The following THAP12 variants were observed in gnomAD, a reference collection of about 807,000 sequenced individuals.
THAP12 encodes the protein THAP domain containing 12.
Under a neutral mutation model 63.0 loss-of-function variants are expected in THAP12, and 20 were observed. The observed-to-expected ratio is 0.32, with a 90% CI of 0.22 to 0.46. THAP12 has a LOEUF of 0.46. Among genes scored for constraint, THAP12 ranks in the 20% least tolerant of loss-of-function variants. The probability of loss-of-function intolerance (pLI) is 1.00; values close to 1 mark genes in which losing one functional copy is unlikely to be tolerated. For missense variants in THAP12, 568 were observed against 908.2 expected (o/e 0.63, Z 4.81); for synonymous variants, 264 against 328.4 (o/e 0.80, Z 2.12).
Position 76,365,939 on chromosome 11 carries a change from T to G in THAP12, c.123A>C (p.Ala41=). Residue 41 remains alanine, a synonymous_variant, in exon 2 of 5, where the codon GCA becomes GCC. Transcript: ENST00000260045. ...CQKWVENCRR[A]DLEDKTPDQL... ...GATCAGGTGTTTTATCTTCTAAGTC[T>G]GCTCTCCTACAGTTCTCCACCCACT... The G allele has an allele frequency of 6.2e-7, 1 of 1,613,692 alleles. No individual in the cohort carries two copies. The highest frequency in any genetic ancestry group is 8.5e-7 in the Non-Finnish European group (1 of 1,179,754).
intron 1 of THAP12, among the ~76,000 whole-genome samples, chr11:76,378,005 A>G (rs1946723482): frequency 6.6e-6 from 1 of 152,206 alleles, no homozygotes; most frequent in Admixed American, 6.5e-5. Context: ...ATTTGCAAGT[A>G]CCTTCTTCCA....
rs78630747 is a variant in THAP12 at position 76,379,041 on chromosome 11, G to A, written c.89+1707C>T. On this transcript the variant is annotated intron_variant, in intron 1 of 4. Coordinates refer to ENST00000260045, the MANE Select transcript of THAP12 (RefSeq NM_004705.4). ...TTAAAAATCTTGAAGTCGGCTGGGCGCGGTGGCTCAGAGCCTGTTCTAGCA... is the reference window on the plus strand; with the variant it reads ...TTAAAAATCTTGAAGTCGGCTGGGCACGGTGGCTCAGAGCCTGTTCTAGCA... 5.5e-4 allele frequency among the ~76,000 whole-genome samples: 83 copies of A among 152,256 alleles called. No individual in the cohort carries two copies. The East Asian group carries it at 0.013, about 24-fold the overall frequency.
At chr11:76,355,156 A>G (rs1220719082) in intron 4 of THAP12, among the ~76,000 whole-genome samples, 2 of 152,254 alleles carry the variant, frequency 1.3e-5, no homozygotes, top group Non-Finnish European at 2.9e-5. Flanking sequence ...CTTTGGTGAC[A>G]TAATTCGGAC....
chr11:76,351,293 C>T lies in THAP12; in HGVS notation c.1857G>A (p.Thr619=), dbSNP rs36126247. Reference sequence around the variant, plus strand: ...ACATGTCAGCATGGTGTTCCTCCGACGTATTGAATTTGAGTTGTCCCATGA... The same window carrying T: ...ACATGTCAGCATGGTGTTCCTCCGATGTATTGAATTTGAGTTGTCCCATGA... ...PSVMGQLKFN[T]SEEHHADMYR... is the part of the protein sequence containing the mutation. The change falls in exon 5 of 5, where the codon ACG becomes ACA. Residue 619 remains threonine, a synonymous_variant. Coordinates refer to ENST00000260045, the MANE Select transcript of THAP12 (RefSeq NM_004705.4). 16 of 1,582,302 alleles carry T rather than the reference C, an allele frequency of 1.0e-5. No individual in the cohort carries two copies. The South Asian group carries it at 1.4e-4, about 14-fold the overall frequency.
At position 76,380,808 on chromosome 11, in the gene THAP12, C is replaced by A; in HGVS notation, c.29G>T (p.Cys10Phe). 1 of 1,455,000 alleles carries A rather than the reference C, an allele frequency of 6.9e-7. No individual in the cohort carries two copies. The highest frequency in any genetic ancestry group is 9.1e-7 in the Non-Finnish European group (1 of 1,096,790). The allele number at this position is 1,455,000 out of a possible 1,614,324, so 90.1% of individuals were successfully genotyped here. Reference protein sequence around the residue: MPNFCAAPNCTRKSTQSDLA... With the variant: MPNFCAAPNFTRKSTQSDLA... ...GTCGGACTGCGTGCTCTTCCGCGTG[C>A]AGTTGGGGGCAGCGCAGAAGTTCGG... Residue 10 changes from cysteine to phenylalanine, a missense_variant, in exon 1 of 5, where the codon TGC (cysteine) becomes TTC (phenylalanine). Cys to Phe is a radical substitution (Grantham distance 205). Transcript: ENST00000260045.
chr11:76,362,997 G>A (rs1946607579), intron 2 of THAP12, among the ~76,000 whole-genome samples: 1 of 152,118 alleles, frequency 6.6e-6, no homozygotes, highest in Admixed American at 6.5e-5. Flanking sequence ...ACAAAAATTA[G>A]CGAGGTATGG....
At chr11:76,353,276 A>G (rs1946540011) in intron 4 of THAP12, among the ~76,000 whole-genome samples, 1 of 152,230 alleles carries the variant, frequency 6.6e-6, no homozygotes. Flanking sequence ...AGAACTAATT[A>G]CTAAGGTACT....
chr11:76,360,869 T>G, intron 3 of THAP12, 87 bp downstream of exon 3: 3 of 889,792 alleles, frequency 3.4e-6, no homozygotes, highest in Non-Finnish European at 3.6e-6. Context: ...AGAGAGTAAT[T>G]TGGATTAATT....
chr11:76,366,682 GAA>G (rs755862384), intron 1 of THAP12, among the ~76,000 whole-genome samples: 8 of 137,738 alleles, frequency 5.8e-5, no homozygotes, highest in Admixed American at 7.3e-5. Context: ...CTCCGTCTCG[GAA>G]AAAAAAAAAA....
Position 76,355,655 on chromosome 11 carries a change from C to A in THAP12, c.319-1G>T. 6.3e-7 allele frequency: 1 copy of A among 1,589,238 alleles called. No individual in the cohort carries two copies. The highest frequency in any genetic ancestry group is 1.8e-5 in the Admixed American group (1 of 56,106). ...TCAGTGTCCTGATTTCATCTTCACT[C>A]TAAATGTCAAGAAAAAAAAAGAAAA... On this transcript the variant is annotated splice_acceptor_variant, in intron 3 of 4. Coordinates refer to ENST00000260045, the MANE Select transcript of THAP12 (RefSeq NM_004705.4). LOFTEE classifies it high-confidence loss of function.
At chr11:76,365,444 G>C (rs990282039) in intron 2 of THAP12, among the ~76,000 whole-genome samples, 1 of 151,982 alleles carries the variant, frequency 6.6e-6, no homozygotes, top group Non-Finnish European at 1.5e-5. Flanking sequence ...GAGTGTAGTG[G>C]CATGAACACA....
At chr11:76,354,186 T>C (rs1009518124) in intron 4 of THAP12, among the ~76,000 whole-genome samples, 8 of 152,136 alleles carry the variant, frequency 5.3e-5, no homozygotes, top group African/African-American at 1.9e-4. Context: ...CAAAGGGAAA[T>C]CTAGTCTGAC....
In THAP12 at chr11:76,360,980, T is replaced by C; in HGVS notation, c.294A>G (p.Arg98=). Residue 98 remains arginine (R), a synonymous_variant, in exon 3 of 5, where the codon AGA becomes AGG. Transcript: ENST00000260045. ...CCAGTTCTTTTATTCGTTTTCTGTGTCTACTATGTGGGTTGTTCAAATGAC... is the reference window on the plus strand; with the variant it reads ...CCAGTTCTTTTATTCGTTTTCTGTGCCTACTATGTGGGTTGTTCAAATGAC... ...LTSHLNNPHS[R]HRKRIKELSE... 6.2e-7 allele frequency: 1 copy of C among 1,606,554 alleles called. No individual in the cohort carries two copies. The highest frequency in any genetic ancestry group is 1.1e-5 in the South Asian group (1 of 90,874).
At chr11:76,358,186 T>C (rs1344388212) in intron 3 of THAP12, 2 of 146,504 alleles carry the variant, frequency 1.4e-5, no homozygotes, top group Non-Finnish European at 3.0e-5. Flanking sequence ...TACACAAATT[T>C]TTCTAGGAGA....
intron 1 of THAP12, among the ~76,000 whole-genome samples, chr11:76,366,252 T>A (rs1253257942): frequency 6.6e-6 from 1 of 152,056 alleles, no homozygotes; most frequent in African/African-American, 2.4e-5. Context: ...ATCTTCCAAC[T>A]CCCAAAACAT....
intron 3 of THAP12, chr11:76,356,886 T>C (rs953501766): frequency 6.6e-6 from 1 of 151,796 alleles, no homozygotes; most frequent in African/African-American, 2.4e-5. Flanking sequence ...CTACTAAAAA[T>C]ACAAAAAGAG....
intron 1 of THAP12, among the ~76,000 whole-genome samples, chr11:76,366,629 C>T (rs113079998): frequency 0.12 from 18,639 of 151,272 alleles, 1,423 homozygotes; most frequent in South Asian, 0.23. Flanking sequence ...TGCAGTGAGC[C>T]GAGATTGCGC....
intron 3 of THAP12, among the ~76,000 whole-genome samples, chr11:76,360,324 A>G (rs1015403422): frequency 6.6e-6 from 1 of 152,172 alleles, no homozygotes; most frequent in Non-Finnish European, 1.5e-5. Context: ...TGAAGAAGGA[A>G]AAATAATAAA....
At chr11:76,368,262 T>C (rs1019705855) in intron 1 of THAP12, among the ~76,000 whole-genome samples, 3 of 152,172 alleles carry the variant, frequency 2.0e-5, no homozygotes, top group African/African-American at 7.2e-5. Context: ...TACTTAAGAA[T>C]AAATCTAGTG....
Sources: allele counts gnomAD v4.1 joint callset (sites outside exome capture counted in the v4.1 genomes callset), GRCh38; gene constraint gnomAD v4.1.1; transcripts MANE v1.5; gene names NCBI Gene and HGNC (gene_info 2026-07-23, HGNC 2026-07-21).